TENM2: variants seen among roughly 807,000 people sequenced by gnomAD.
TENM2 encodes the protein teneurin transmembrane protein 2.
Under a neutral mutation model 245.2 loss-of-function variants are expected in TENM2, and 52 were observed. The ratio of observed to expected loss-of-function variants is 0.21; its 90% CI spans 0.17 to 0.27. The LOEUF (loss-of-function observed/expected upper bound fraction) is 0.27. TENM2 is among the 10% of genes least tolerant of loss of function. TENM2 has a pLI of 1.00. For missense variants in TENM2, 3,046 were observed against 3,666.8 expected (o/e 0.83, Z 4.37); for synonymous variants, 1,363 against 1,438.9 (o/e 0.95, Z 1.19).
chr5:167,222,812 A>G, the TENM2 span, among the ~76,000 whole-genome samples: 1 of 152,200 alleles, frequency 6.6e-6, no homozygotes, highest in Non-Finnish European at 1.5e-5. Flanking sequence ...TTCTAAAAAC[A>G]TTGCAAAAGC....
At chr5:167,440,537 T>C (rs943145489) in intron 2 of TENM2, among the ~76,000 whole-genome samples, 1 of 151,962 alleles carries the variant, frequency 6.6e-6, no homozygotes, top group African/African-American at 2.4e-5. Flanking sequence ...ATATATATAA[T>C]GTCCATAATA....
At chr5:167,126,520 T>C in the TENM2 span, among the ~76,000 whole-genome samples, 7 of 152,198 alleles carry the variant, frequency 4.6e-5, no homozygotes, top group African/African-American at 1.7e-4. Context: ...ATTTCCCCGA[T>C]TCTAATCTTT....
chr5:167,962,319 C>G (rs1044651113), intron 4 of TENM2, among the ~76,000 whole-genome samples: 34 of 152,028 alleles, frequency 2.2e-4, no homozygotes, highest in African/African-American at 8.2e-4. Context: ...GAGACAACAT[C>G]TGAGTATTCT....
chr5:167,979,295 A>C (rs2151961091), intron 4 of TENM2, among the ~76,000 whole-genome samples: 1 of 152,322 alleles, frequency 6.6e-6, no homozygotes, highest in Admixed American at 6.5e-5. Flanking sequence ...CCATTCTATC[A>C]TATTCTATTA....
intron 27 of TENM2, among the ~76,000 whole-genome samples, chr5:168,251,920 G>A (rs1767142701): frequency 6.6e-6 from 1 of 152,218 alleles, no homozygotes; most frequent in Admixed American, 6.5e-5. Flanking sequence ...GAGACATCTG[G>A]GCAGGAACAC....
At chr5:167,167,882 C>G in the TENM2 span, among the ~76,000 whole-genome samples, 1 of 152,004 alleles carries the variant, frequency 6.6e-6, no homozygotes, top group Non-Finnish European at 1.5e-5. Context: ...ACTTACAAGA[C>G]AAAGCGATAG....
At chr5:167,035,657 C>T in the TENM2 span, among the ~76,000 whole-genome samples, 1 of 152,188 alleles carries the variant, frequency 6.6e-6, no homozygotes, top group African/African-American at 2.4e-5. Flanking sequence ...AGAAAAGAAG[C>T]CTGCCTTCGC....
chr5:167,894,074 A>G (rs1445813880), intron 3 of TENM2, among the ~76,000 whole-genome samples: 1 of 152,190 alleles, frequency 6.6e-6, no homozygotes, highest in Non-Finnish European at 1.5e-5. Flanking sequence ...TTCACAGTTC[A>G]AGAAGTTTAA....
At chr5:167,536,200 G>C (rs1317154498) in intron 2 of TENM2, among the ~76,000 whole-genome samples, 1 of 151,984 alleles carries the variant, frequency 6.6e-6, no homozygotes, top group African/African-American at 2.4e-5. Context: ...GGGTTAACAA[G>C]ATTGATAAGC....
intron 25 of TENM2, among the ~76,000 whole-genome samples, chr5:168,235,994 A>G (rs1181275109): frequency 6.6e-6 from 1 of 152,216 alleles, no homozygotes; most frequent in African/African-American, 2.4e-5. Flanking sequence ...AAGCCCTAGC[A>G]TGTGCAAAAG....
chr5:167,561,913 C>A lies in TENM2; in HGVS notation c.502+186440C>A, dbSNP rs559648762. Among the ~76,000 whole-genome samples the A allele has an allele frequency of 1.4e-4, 22 of 152,284 alleles. 1 individual carries two copies. The highest frequency in any genetic ancestry group is 9.8e-4 in the Admixed American group (15 of 15,298). On this transcript the variant is annotated intron_variant, in intron 2 of 28. Coordinates refer to ENST00000518659, the Ensembl canonical transcript of TENM2. ...AAAAATAAAAAGAGAGACAGAGAGA[C>A]AGAGTCCTAGCGCCACCTTTCAGCT...
At chr5:167,186,146 A>C in the TENM2 span, among the ~76,000 whole-genome samples, 1 of 152,184 alleles carries the variant, frequency 6.6e-6, no homozygotes, top group East Asian at 1.9e-4. Flanking sequence ...CCTTTTAAAG[A>C]TCAACCTTTT....
At chr5:167,919,421 T>C (rs1240654357) in intron 3 of TENM2, among the ~76,000 whole-genome samples, 1 of 152,232 alleles carries the variant, frequency 6.6e-6, no homozygotes, top group East Asian at 1.9e-4. Context: ...AATGGAATGC[T>C]AGTGCCTATG....
chr5:168,080,604 G>T (rs1791905761), intron 7 of TENM2, among the ~76,000 whole-genome samples: 1 of 152,118 alleles, frequency 6.6e-6, no homozygotes, highest in Non-Finnish European at 1.5e-5. Context: ...GGTTTTAAGT[G>T]TGTCCCAGAG....
intron 12 of TENM2, among the ~76,000 whole-genome samples, chr5:168,131,692 C>T (rs945208042): frequency 6.6e-5 from 10 of 152,154 alleles, no homozygotes; most frequent in African/African-American, 2.4e-4. Context: ...AGGACAGCTG[C>T]TTCTGAATCT....
At chr5:168,162,307 T>TA (rs1209616428) in intron 12 of TENM2, among the ~76,000 whole-genome samples, 2 of 152,236 alleles carry the variant, frequency 1.3e-5, no homozygotes, top group Non-Finnish European at 2.9e-5. Flanking sequence ...ACAGCCTAGC[T>TA]AGTCTGGTTG....
rs866020878 is a variant in TENM2 at position 168,250,119 on chromosome 5, G to A, written c.7432+1748G>A. ...GGCTGGATGAGTGGATGGATGGATG[G>A]ATGGATGGATGGATGGATGGATGGA... On this transcript the variant is annotated intron_variant, in intron 27 of 28. Transcript: ENST00000518659. Among the ~76,000 whole-genome samples the A allele has an allele frequency of 4.9e-5, 4 of 82,150 alleles. No homozygotes were observed. The Admixed American group carries it at 5.0e-4, about 10-fold the overall frequency. 53.9% of individuals were successfully genotyped at this position (82,150 alleles called of 152,430 possible).
At chr5:167,189,326 T>C in the TENM2 span, among the ~76,000 whole-genome samples, 1 of 152,194 alleles carries the variant, frequency 6.6e-6, no homozygotes, top group East Asian at 1.9e-4. Context: ...TATTTGTTAA[T>C]TTGGTTTCCC....
chr5:168,226,915 TAA>T (rs1764243266), intron 24 of TENM2, among the ~76,000 whole-genome samples: 1 of 152,250 alleles, frequency 6.6e-6, no homozygotes, highest in Admixed American at 6.5e-5. Context: ...TGTCAGAGGA[TAA>T]AAGTGTCCTC....
Sources: allele counts gnomAD v4.1 joint callset (sites outside exome capture counted in the v4.1 genomes callset), GRCh38; gene constraint gnomAD v4.1.1; transcripts MANE v1.5; gene names NCBI Gene and HGNC (gene_info 2026-07-23, HGNC 2026-07-21).